The following EML6 variants were observed in gnomAD, a reference collection of about 807,000 sequenced individuals.
EML6 encodes echinoderm microtubule-associated protein-like 6.
EML6 carries 154 observed loss-of-function variants against 240.1 expected under a neutral mutation model. The ratio of observed to expected loss-of-function variants is 0.64; its 90% CI spans 0.56 to 0.73. EML6 has a LOEUF of 0.73. Ranked by LOEUF, EML6 falls within the 30% of genes least tolerant of loss-of-function variation. The pLI, the probability that EML6 is intolerant of heterozygous loss-of-function variation, is 0.00. For missense variants in EML6, 2,964 were observed against 2,474.6 expected (o/e 1.20, Z -4.20); for synonymous variants, 1,148 against 899.0 (o/e 1.28, Z -4.95).
At chr2:54,929,680 C>G (rs1674750446) in intron 28 of EML6, among the ~76,000 whole-genome samples, 1 of 139,246 alleles carries the variant, frequency 7.2e-6, no homozygotes, top group South Asian at 2.4e-4. Context: ...GTTTTAGATG[C>G]AAAGAAATGT....
chr2:54,958,859 G>A (rs373431543), intron 33 of EML6, among the ~76,000 whole-genome samples: 83 of 152,214 alleles, frequency 5.5e-4, no homozygotes, highest in South Asian at 1.0e-3. Context: ...ATGCACAGCT[G>A]TGCTCAGAGG....
At chr2:54,949,835 A>G (rs573436227) in intron 29 of EML6, among the ~76,000 whole-genome samples, 1 of 152,178 alleles carries the variant, frequency 6.6e-6, no homozygotes, top group Non-Finnish European at 1.5e-5. Context: ...GCTGCCTGGG[A>G]CTTTCAAGCC....
intron 22 of EML6, among the ~76,000 whole-genome samples, chr2:54,901,554 A>G (rs1172439783): frequency 6.6e-6 from 1 of 152,148 alleles, no homozygotes. Context: ...AACCCAGTTT[A>G]CCCCTGTTGT....
intron 17 of EML6, among the ~76,000 whole-genome samples, chr2:54,886,415 C>A (rs1374789212): frequency 6.6e-6 from 1 of 152,126 alleles, no homozygotes; most frequent in Non-Finnish European, 1.5e-5. Flanking sequence ...GGTGATCCGC[C>A]CACCTCAGCC....
At chr2:54,789,183 T>C (rs1669256708) in intron 2 of EML6, among the ~76,000 whole-genome samples, 2 of 152,172 alleles carry the variant, frequency 1.3e-5, no homozygotes, top group Non-Finnish European at 2.9e-5. Context: ...AATGAAACAT[T>C]TAATTTTTAG....
intron 2 of EML6, among the ~76,000 whole-genome samples, chr2:54,730,085 C>T (rs543104827): frequency 6.6e-6 from 1 of 151,852 alleles, no homozygotes. Context: ...GCAGTAAGCC[C>T]AGTTTGTGCT....
chr2:54,802,054 C>T (rs1187485533), intron 2 of EML6, among the ~76,000 whole-genome samples: 1 of 152,150 alleles, frequency 6.6e-6, no homozygotes, highest in Non-Finnish European at 1.5e-5. Flanking sequence ...TCAACTTACT[C>T]ATTCAACATG....
intron 28 of EML6, among the ~76,000 whole-genome samples, chr2:54,932,120 A>C (rs1674895018): frequency 6.6e-6 from 1 of 152,234 alleles, no homozygotes; most frequent in African/African-American, 2.4e-5. Context: ...TCTTTCAGAA[A>C]ATGAGGAAGC....
Position 54,952,688 on chromosome 2 carries a change from G to T in EML6, c.4308G>T (p.Gln1436His). 1 of 1,549,596 alleles carries T rather than the reference G, an allele frequency of 6.5e-7. No homozygotes were observed. The highest frequency in any genetic ancestry group is 8.7e-7 in the Non-Finnish European group (1 of 1,145,324). ...ACAGAAACGTGGTGGCCACCAGCCA[G>T]ATAGGTAGGAGGTCCTGTGGCAGCT... ...PKYRNVVATS[Q>H]IGTTPSIHIW... Residue 1436 changes from glutamine to histidine, a missense_variant, in exon 31 of 42, where the codon CAG becomes CAT. Gln to His is a conservative substitution (Grantham distance 24, BLOSUM62 0). Transcript: ENST00000356458.
At chr2:54,886,454 G>A (rs984090775) in intron 17 of EML6, among the ~76,000 whole-genome samples, 3 of 152,040 alleles carry the variant, frequency 2.0e-5, no homozygotes, top group Non-Finnish European at 2.9e-5. Context: ...ACAGGTGTGC[G>A]CCACCGCGTC....
At chr2:54,790,461 T>A (rs1396470402) in intron 2 of EML6, among the ~76,000 whole-genome samples, 1 of 152,148 alleles carries the variant, frequency 6.6e-6, no homozygotes, top group African/African-American at 2.4e-5. Context: ...AATATAAACA[T>A]TGACAATATT....
intron 7 of EML6, among the ~76,000 whole-genome samples, chr2:54,829,991 A>G (rs1387165163): frequency 6.6e-6 from 1 of 152,326 alleles, no homozygotes; most frequent in Non-Finnish European, 1.5e-5. Flanking sequence ...TTCCTCATCT[A>G]TAAAATGGAG....
intron 2 of EML6, among the ~76,000 whole-genome samples, chr2:54,788,856 T>C (rs1428454086): frequency 6.6e-6 from 1 of 152,198 alleles, no homozygotes; most frequent in Non-Finnish European, 1.5e-5. Flanking sequence ...TTCATTTCCA[T>C]TGGCTAGATG....
chr2:54,735,215 G>A (rs6752720), intron 2 of EML6, among the ~76,000 whole-genome samples: 28,812 of 152,118 alleles, frequency 0.19, 2,818 homozygotes, highest in African/African-American at 0.23. Context: ...TACCATGCAC[G>A]TTCCTCCCTT....
chr2:54,831,842 G>C (rs1279318273), intron 7 of EML6, among the ~76,000 whole-genome samples: 1 of 152,134 alleles, frequency 6.6e-6, no homozygotes, highest in Non-Finnish European at 1.5e-5. Flanking sequence ...GCACTGCTTA[G>C]CATGCAGCCC....
At chr2:54,921,480 T>C (rs914846578) in intron 26 of EML6, among the ~76,000 whole-genome samples, 1 of 152,120 alleles carries the variant, frequency 6.6e-6, no homozygotes, top group Non-Finnish European at 1.5e-5. Flanking sequence ...AGAACTAATA[T>C]TGTTAAAATG....
chr2:54,920,075 AAAAT>A (rs1229990496), intron 26 of EML6, among the ~76,000 whole-genome samples: 1 of 152,230 alleles, frequency 6.6e-6, no homozygotes, highest in Non-Finnish European at 1.5e-5. Context: ...TTAAGAAAGA[AAAAT>A]AAAGATCTCA....
At chr2:54,840,966 A>G (rs1197139903) in intron 7 of EML6, among the ~76,000 whole-genome samples, 1 of 152,220 alleles carries the variant, frequency 6.6e-6, no homozygotes, top group Non-Finnish European at 1.5e-5. Flanking sequence ...CCTGCTAGGG[A>G]GACAACTAAT....
intron 2 of EML6, among the ~76,000 whole-genome samples, chr2:54,734,628 G>A (rs963683281): frequency 2.6e-5 from 4 of 152,290 alleles, no homozygotes; most frequent in African/African-American, 9.6e-5. Flanking sequence ...AGGCTTCCTG[G>A]GGCTGGCACA....
Sources: gnomAD v4.1 joint callset for allele counts (sites outside exome capture counted in the v4.1 genomes callset) on GRCh38, gnomAD v4.1.1 for gene constraint, MANE v1.5 for transcripts, NCBI Gene and HGNC (gene_info 2026-07-23, HGNC 2026-07-21) for gene names.